COL26A1: variants seen among roughly 807,000 people sequenced by gnomAD.
COL26A1 encodes the protein collagen alpha-1(XXVI) chain.
In COL26A1, 41 loss-of-function variants were observed where a neutral mutation model predicts 59.3. That is an observed-to-expected ratio of 0.69 (90% CI 0.54 to 0.90). The LOEUF (loss-of-function observed/expected upper bound fraction) is 0.90, where lower values mean the gene tolerates loss of function less well. Among genes scored for constraint, COL26A1 ranks in the 40% least tolerant of loss-of-function variants. The pLI, the probability that COL26A1 is intolerant of heterozygous loss-of-function variation, is 0.00. For synonymous variants in COL26A1, 266 were observed against 256.0 expected (o/e 1.04, Z -0.37); for missense variants, 612 against 602.3 (o/e 1.02, Z -0.17).
intron 2 of COL26A1, among the ~76,000 whole-genome samples, chr7:101,439,121 C>T (rs1792985746): frequency 6.6e-6 from 1 of 152,156 alleles, no homozygotes; most frequent in East Asian, 1.9e-4. Flanking sequence ...GACCACCCCA[C>T]CTTGGGGTTT....
chr7:101,470,349 C>T (rs1308444532), intron 3 of COL26A1, among the ~76,000 whole-genome samples: 3 of 152,018 alleles, frequency 2.0e-5, no homozygotes, highest in African/African-American at 4.8e-5. Flanking sequence ...CCACCTCGGC[C>T]TCCCAAAGTG....
chr7:101,511,626 C>T (rs1794928100), intron 3 of COL26A1, among the ~76,000 whole-genome samples: 1 of 152,232 alleles, frequency 6.6e-6, no homozygotes, highest in African/African-American at 2.4e-5. Context: ...GTCCCCTGAT[C>T]TGGCCAGTGT....
chr7:101,373,251 G>A (rs984595981), intron 1 of COL26A1, among the ~76,000 whole-genome samples: 2 of 152,270 alleles, frequency 1.3e-5, no homozygotes, highest in Non-Finnish European at 2.9e-5. Context: ...GGTGGATCAC[G>A]GATAGGCAGA....
At chr7:101,466,605 G>A (rs1380967975) in intron 3 of COL26A1, among the ~76,000 whole-genome samples, 3 of 152,082 alleles carry the variant, frequency 2.0e-5, no homozygotes, top group Non-Finnish European at 4.4e-5. Flanking sequence ...TGGGAGAATC[G>A]CTTGAGCCTC....
At chr7:101,523,881 C>CA (rs916997746) in intron 3 of COL26A1, among the ~76,000 whole-genome samples, 23 of 145,786 alleles carry the variant, frequency 1.6e-4, no homozygotes, top group African/African-American at 3.0e-4. Context: ...CAATTTCCAC[C>CA]AAAAAAAAAA....
chr7:101,522,125 T>C (rs992380113), intron 3 of COL26A1, among the ~76,000 whole-genome samples: 3 of 152,174 alleles, frequency 2.0e-5, no homozygotes, highest in African/African-American at 7.2e-5. Context: ...TGAATGAATT[T>C]CGTGCCTGTC....
intron 3 of COL26A1, among the ~76,000 whole-genome samples, chr7:101,453,953 C>A (rs2130398300): frequency 6.6e-6 from 1 of 152,296 alleles, no homozygotes; most frequent in Admixed American, 6.5e-5. Flanking sequence ...CCTCCCTAGA[C>A]ACCCCAGGAG....
intron 1 of COL26A1, among the ~76,000 whole-genome samples, chr7:101,405,584 G>A (rs1221921947): frequency 6.6e-6 from 1 of 151,944 alleles, no homozygotes; most frequent in Non-Finnish European, 1.5e-5. Context: ...TTCCTAAAAT[G>A]ATCCTCCTTA....
At chr7:101,552,387 T>G (rs1584509131) in intron 10 of COL26A1, among the ~76,000 whole-genome samples, 2 of 152,100 alleles carry the variant, frequency 1.3e-5, no homozygotes, top group East Asian at 3.9e-4. Context: ...GGCAGGAGGA[T>G]CATTTTGAGG....
At chr7:101,556,938 T>C (rs909158639) in intron 12 of COL26A1, among the ~76,000 whole-genome samples, 29 of 151,184 alleles carry the variant, frequency 1.9e-4, no homozygotes, top group African/African-American at 6.6e-4. Context: ...GATAGATGCA[T>C]AGATGAATCA....
intron 2 of COL26A1, among the ~76,000 whole-genome samples, chr7:101,432,968 C>T (rs1274858522): frequency 1.3e-5 from 2 of 152,180 alleles, no homozygotes; most frequent in African/African-American, 2.4e-5. Flanking sequence ...TCCCAAAGTG[C>T]TGGGATTACA....
intron 3 of COL26A1, among the ~76,000 whole-genome samples, chr7:101,462,223 C>A (rs916455107): frequency 1.3e-5 from 2 of 152,118 alleles, no homozygotes; most frequent in African/African-American, 4.8e-5. Flanking sequence ...TGGTCTCACA[C>A]CCCTGACCTT....
intron 5 of COL26A1, among the ~76,000 whole-genome samples, chr7:101,543,100 A>G (rs962075230): frequency 2.0e-5 from 3 of 152,068 alleles, no homozygotes; most frequent in Non-Finnish European, 2.9e-5. Context: ...CCTCCCCACC[A>G]TACCACAGTC....
At chr7:101,463,011 G>C (rs1056063118) in intron 3 of COL26A1, among the ~76,000 whole-genome samples, 8 of 152,200 alleles carry the variant, frequency 5.3e-5, no homozygotes, top group Non-Finnish European at 8.8e-5. Context: ...AAGTTTCCTA[G>C]AGGGCAAGGA....
intron 1 of COL26A1, among the ~76,000 whole-genome samples, chr7:101,405,378 G>A (rs2130216713): frequency 6.6e-6 from 1 of 151,628 alleles, no homozygotes; most frequent in Admixed American, 6.6e-5. Context: ...GTATCACCCA[G>A]GCCAGATCGC....
intron 3 of COL26A1, among the ~76,000 whole-genome samples, chr7:101,458,651 C>CAAAA (rs34462051): frequency 6.8e-6 from 1 of 148,022 alleles, no homozygotes. Flanking sequence ...ACTCTGTCTC[C>CAAAA]AAAAAAAAAA....
At chr7:101,374,186 A>G (rs1438907179) in intron 1 of COL26A1, among the ~76,000 whole-genome samples, 1 of 152,174 alleles carries the variant, frequency 6.6e-6, no homozygotes, top group Non-Finnish European at 1.5e-5. Flanking sequence ...CCTGCCTCCC[A>G]GAAACCAGGG....
chr7:101,393,012 T>TC lies in COL26A1; in HGVS notation c.159-26965_159-26964insC, dbSNP rs1223902646. Among the ~76,000 whole-genome samples the TC allele has an allele frequency of 2.0e-5, 3 of 151,590 alleles. No individual in the cohort carries two copies. In the East Asian group the frequency reaches 5.8e-4, roughly 29 times the overall value. On this transcript the variant is annotated intron_variant, in intron 1 of 12. Transcript: ENST00000313669. ...AATAAAAAAATGTTTTTTTGTTTTT[T>TC]TTTTTTTTGAGATGGAGTCTCGCTC...
intron 3 of COL26A1, among the ~76,000 whole-genome samples, chr7:101,509,894 A>C (rs948218583): frequency 6.6e-6 from 1 of 151,676 alleles, no homozygotes; most frequent in Admixed American, 6.6e-5. Flanking sequence ...CGCACGGCTA[A>C]TTTTTGTATT....
Sources: gnomAD v4.1 joint callset for allele counts (sites outside exome capture counted in the v4.1 genomes callset) on GRCh38, gnomAD v4.1.1 for gene constraint, MANE v1.5 for transcripts, NCBI Gene and HGNC (gene_info 2026-07-23, HGNC 2026-07-21) for gene names.